Variants in CNTNAP2 observed in about 807,000 individuals in gnomAD.
The protein encoded by CNTNAP2 is contactin associated protein 2.
In CNTNAP2, 98 loss-of-function variants were observed where a neutral mutation model predicts 155.2. The ratio of observed to expected loss-of-function variants is 0.63; its 90% CI spans 0.54 to 0.75. The LOEUF is 0.75. CNTNAP2 is among the 30% of genes least tolerant of loss of function. The probability of loss-of-function intolerance (pLI) is 0.00; values close to 1 mark genes in which losing one functional copy is unlikely to be tolerated. For missense variants in CNTNAP2, 1,727 were observed against 1,688.1 expected (o/e 1.02, Z -0.40); for synonymous variants, 651 against 631.2 (o/e 1.03, Z -0.47).
At chr7:146,510,022 C>T (rs1016423060) in intron 1 of CNTNAP2, among the ~76,000 whole-genome samples, 4 of 152,098 alleles carry the variant, frequency 2.6e-5, no homozygotes, top group Admixed American at 6.5e-5. Context: ...TCACTCACCT[C>T]GGAATCCTGC....
chr7:147,048,104 T>G (rs370962741), intron 4 of CNTNAP2, among the ~76,000 whole-genome samples: 1 of 135,480 alleles, frequency 7.4e-6, no homozygotes, highest in South Asian at 2.4e-4. Flanking sequence ...AGATGGAGTC[T>G]CGCTCTGTTG....
At chr7:146,224,631 T>C (rs1236074160) in intron 1 of CNTNAP2, among the ~76,000 whole-genome samples, 1 of 149,600 alleles carries the variant, frequency 6.7e-6, no homozygotes, top group East Asian at 2.0e-4. Flanking sequence ...TAGCCGGGCT[T>C]GGTGGTGGGC....
chr7:146,546,578 C>A (rs1418379918), intron 1 of CNTNAP2, among the ~76,000 whole-genome samples: 1 of 151,716 alleles, frequency 6.6e-6, no homozygotes, highest in African/African-American at 2.4e-5. Flanking sequence ...TATACTTGGT[C>A]TCAGAAATTA....
At chr7:148,319,169 G>A (rs909466270) in intron 21 of CNTNAP2, among the ~76,000 whole-genome samples, 1 of 152,146 alleles carries the variant, frequency 6.6e-6, no homozygotes, top group Non-Finnish European at 1.5e-5. Context: ...TCAACTTTGT[G>A]TTTAATAATA....
intron 1 of CNTNAP2, among the ~76,000 whole-genome samples, chr7:146,654,444 A>G (rs1227456829): frequency 6.6e-6 from 1 of 152,214 alleles, no homozygotes; most frequent in East Asian, 1.9e-4. Context: ...AAAGACAAGT[A>G]GACTAATAGC....
chr7:148,234,561 A>C (rs1796015745), intron 20 of CNTNAP2, among the ~76,000 whole-genome samples: 1 of 152,214 alleles, frequency 6.6e-6, no homozygotes, highest in Non-Finnish European at 1.5e-5. Flanking sequence ...TGCCCTCAGC[A>C]GCATTTCTGC....
intron 7 of CNTNAP2, among the ~76,000 whole-genome samples, chr7:147,131,002 T>G (rs900262834): frequency 6.7e-6 from 1 of 149,448 alleles, no homozygotes; most frequent in Non-Finnish European, 1.5e-5. Flanking sequence ...GTTATTGTGC[T>G]AAAATGGAAG....
At chr7:146,739,401 C>G (rs1417371866) in intron 1 of CNTNAP2, among the ~76,000 whole-genome samples, 1 of 151,938 alleles carries the variant, frequency 6.6e-6, no homozygotes, top group African/African-American at 2.4e-5. Context: ...CATTTTTTCA[C>G]AGACTCATTG....
chr7:148,279,353 A>G (rs932848186), intron 21 of CNTNAP2, among the ~76,000 whole-genome samples: 1 of 152,170 alleles, frequency 6.6e-6, no homozygotes, highest in Admixed American at 6.5e-5. Flanking sequence ...TGGACTAGGA[A>G]CACACTGAAG....
chr7:147,001,507 A>C (rs1224278127), intron 3 of CNTNAP2, among the ~76,000 whole-genome samples: 1 of 152,094 alleles, frequency 6.6e-6, no homozygotes, highest in African/African-American at 2.4e-5. Context: ...GAAAATCATA[A>C]TTGTGGCTTA....
At chr7:148,099,364 G>A (rs574834964) in intron 15 of CNTNAP2, among the ~76,000 whole-genome samples, 54 of 151,950 alleles carry the variant, frequency 3.6e-4, no homozygotes, top group African/African-American at 1.3e-3. Context: ...ATAAGGATTG[G>A]AGAAGAAAAA....
At chr7:147,223,719 G>A (rs1350145063) in intron 8 of CNTNAP2, among the ~76,000 whole-genome samples, 1 of 152,054 alleles carries the variant, frequency 6.6e-6, no homozygotes, top group African/African-American at 2.4e-5. Flanking sequence ...GAGGCAGGCG[G>A]ATCATGAGGT....
intron 1 of CNTNAP2, among the ~76,000 whole-genome samples, chr7:146,125,581 CAAAAAAAAAA>C (rs57234097): frequency 6.8e-5 from 4 of 58,872 alleles, no homozygotes; most frequent in East Asian, 6.9e-4. Context: ...ACTCCGTCTC[CAAAAAAAAAA>C]AAAAAAAAAA....
intron 15 of CNTNAP2, among the ~76,000 whole-genome samples, chr7:148,092,162 T>A (rs1223986906): frequency 6.6e-6 from 1 of 152,230 alleles, no homozygotes; most frequent in Non-Finnish European, 1.5e-5. Flanking sequence ...AAACCCAGTC[T>A]GCTTTATTTC....
At chr7:146,151,661 T>TATATAC (rs1798045914) in intron 1 of CNTNAP2, among the ~76,000 whole-genome samples, 1 of 40,484 alleles carries the variant, frequency 2.5e-5, no homozygotes, top group Admixed American at 3.2e-4. Flanking sequence ...TATATATATA[T>TATATAC]ATATATATAT....
At chr7:146,434,512 A>C (rs1281751966) in intron 1 of CNTNAP2, among the ~76,000 whole-genome samples, 1 of 152,134 alleles carries the variant, frequency 6.6e-6, no homozygotes, top group African/African-American at 2.4e-5. Context: ...TATGTGAATA[A>C]TCTAAGTTTC....
intron 13 of CNTNAP2, among the ~76,000 whole-genome samples, chr7:147,862,838 T>C (rs1799160123): frequency 6.6e-6 from 1 of 152,138 alleles, no homozygotes; most frequent in Non-Finnish European, 1.5e-5. Flanking sequence ...GCTCAAGTTA[T>C]TCACAACACT....
intron 12 of CNTNAP2, among the ~76,000 whole-genome samples, chr7:147,596,947 A>G (rs1489862206): frequency 6.6e-6 from 1 of 152,092 alleles, no homozygotes; most frequent in Non-Finnish European, 1.5e-5. Context: ...ATGCCATGGC[A>G]ATGTCAGGAA....
chr7:147,554,935 A>G (rs372665042), intron 11 of CNTNAP2, among the ~76,000 whole-genome samples: 42 of 152,294 alleles, frequency 2.8e-4, no homozygotes, highest in African/African-American at 9.6e-4. Flanking sequence ...CTTATATTGT[A>G]CTAATTAAAA....
Sources: allele counts gnomAD v4.1 joint callset (sites outside exome capture counted in the v4.1 genomes callset), GRCh38; gene constraint gnomAD v4.1.1; transcripts MANE v1.5; gene names NCBI Gene and HGNC (gene_info 2026-07-23, HGNC 2026-07-21).